The following SYNM variants were observed in gnomAD, a reference collection of about 807,000 sequenced individuals.
The protein encoded by SYNM is desmuslin.
A neutral mutation model predicts 104.0 loss-of-function variants in SYNM; 95 were observed. The observed-to-expected ratio is 0.91, with a 90% confidence interval of 0.77 to 1.08. SYNM has a LOEUF of 1.08. Ranked by LOEUF, SYNM falls within the 50% of genes least tolerant of loss-of-function variation. SYNM has a pLI of 0.00. For synonymous variants in SYNM, 918 were observed against 869.0 expected (o/e 1.06, Z -0.99); for missense variants, 2,150 against 2,052.2 (o/e 1.05, Z -0.92).
At position 99,135,358 on chromosome 15, in the gene SYNM, A is replaced by G. The variant is rs1555486572; in HGVS notation, c.*2300A>G. The stretch of plus-strand genomic sequence containing the variant: ...GTCACTCTGCACACAAGAGAAATCA[A>G]CTTCGTGGTTGGATGGGGCCGGAAC... On this transcript the variant is annotated 3_prime_UTR_variant, in exon 4 of 4. Transcript: ENST00000336292. 2 of 152,586 alleles carry G rather than the reference A, an allele frequency of 1.3e-5. No homozygotes were observed. Among genetic ancestry groups the G allele is most frequent in the African/African-American group, 2.4e-5 (1 of 41,434 alleles). The allele number at this position is 152,586 out of a possible 1,614,324, so 9.5% of individuals were successfully genotyped here.
In SYNM at chr15:99,132,309, A is replaced by C; in HGVS notation, c.3949A>C (p.Arg1317=). The C allele has an allele frequency of 6.2e-7, 1 of 1,611,740 alleles. No homozygotes were observed. The highest frequency in any genetic ancestry group is 8.5e-7 in the Non-Finnish European group (1 of 1,178,054). ...CAGGCACATCAGCATTGGGCCTCAG[A>C]GGCATCAGACCACCCAGCAGATAGT... The part of the protein sequence containing the change: ...SIRHISIGPQ[R]HQTTQQIVYH... Residue 1317 remains arginine (R), a synonymous_variant, in exon 4 of 4, where the codon AGG becomes CGG. Transcript: ENST00000336292.
In SYNM at chr15:99,129,984, T is replaced by C. The variant is rs181135818; in HGVS notation, c.1624T>C (p.Leu542=). 9.5e-5 allele frequency: 153 copies of C among 1,612,166 alleles called. No homozygotes were observed. The African/African-American group carries it at 1.8e-3, about 19-fold the overall frequency. The change falls in exon 4 of 4, where the codon TTG becomes CTG. Residue 542 remains leucine, a synonymous_variant. Transcript: ENST00000336292. ...SEERNLRWEE[L]TKLDKEARQR... ...GGAGAGAAACCTAAGATGGGAAGAA[T>C]TGACAAAGTTAGATAAGGAAGCGAG...
chr15:99,107,950 TGTTTTTTTTTTG>T (rs1472157303), intron 1 of SYNM, among the ~76,000 whole-genome samples: 14 of 147,370 alleles, frequency 9.5e-5, no homozygotes, highest in Non-Finnish European at 1.8e-4. Context: ...TTTTTTGTTT[TGTTTTTTTTTTG>T]GTTTTGGTTT....
At chr15:99,140,801 T>A in the SYNM span, 1 of 152,158 alleles carries the variant, frequency 6.6e-6, no homozygotes. Context: ...ATAAGCAAAG[T>A]AGAAAGACAA....
intron 2 of SYNM, among the ~76,000 whole-genome samples, chr15:99,122,709 C>T (rs113285595): frequency 0.019 from 2,947 of 152,214 alleles, 107 homozygotes; most frequent in African/African-American, 0.068. Flanking sequence ...TGTGGTGGCA[C>T]GTGCCTGTAG....
chr15:99,111,063 A>C (rs2067296265), intron 1 of SYNM, among the ~76,000 whole-genome samples: 1 of 152,220 alleles, frequency 6.6e-6, no homozygotes, highest in South Asian at 2.1e-4. Flanking sequence ...ATGTGACTGA[A>C]ACTGTACTTA....
At chr15:99,112,124 A>G (rs559857166) in intron 1 of SYNM, among the ~76,000 whole-genome samples, 1 of 152,202 alleles carries the variant, frequency 6.6e-6, no homozygotes, top group Admixed American at 6.5e-5. Flanking sequence ...TCACAGACAT[A>G]TTTATTATGG....
chr15:99,139,501 C>T, downstream of SYNM: 1 of 1,566,056 alleles, frequency 6.4e-7, no homozygotes, highest in Non-Finnish European at 8.7e-7. Context: ...CATTCTTAGG[C>T]CCTGCTGTGA....
At chr15:99,137,930 T>C, downstream of SYNM, 1 of 1,577,554 alleles carries the variant, frequency 6.3e-7, no homozygotes, top group Non-Finnish European at 8.7e-7. Context: ...TTGAATTCCA[T>C]TTTCTAGGCG....
chr15:99,105,800 C>A lies in SYNM; in HGVS notation c.601C>A (p.Leu201Met), dbSNP rs377708395. The A allele has an allele frequency of 4.3e-5, 67 of 1,541,704 alleles. No individual in the cohort carries two copies. The African/African-American group carries it at 7.9e-4, about 18-fold the overall frequency. The change falls in exon 1 of 4, where the codon CTG (leucine) becomes ATG (methionine). Residue 201 changes from leucine (L) to methionine (M), a missense_variant. Transcript: ENST00000336292. Reference protein sequence around the residue: ...VAESWRETVQLYEDEVRELEE... With the variant: ...VAESWRETVQMYEDEVRELEE... The stretch of plus-strand genomic sequence containing the variant: ...CGAGTCGTGGCGGGAGACGGTGCAG[C>A]TGTACGAGGACGAGGTGCGCGAGCT...
In SYNM at chr15:99,130,050, A is replaced by G; in HGVS notation, c.1690A>G (p.Lys564Glu). Residue 564 changes from lysine (K) to glutamate (E), a missense_variant, in exon 4 of 4, where the codon AAG becomes GAG. By Grantham distance (56) the Lys-to-Glu change is moderately conservative (BLOSUM62 1). Coordinates refer to ENST00000336292, the MANE Select transcript of SYNM (RefSeq NM_145728.3). ...SQQMKEKAKE[K>E]DSPKEKSVRE... The stretch of plus-strand genomic sequence containing the variant: ...GCAGATGAAGGAGAAGGCTAAGGAG[A>G]AGGACTCACCGAAGGAGAAGAGCGT... The G allele has an allele frequency of 6.2e-7, 1 of 1,613,920 alleles. No individual in the cohort carries two copies. The highest frequency in any genetic ancestry group is 8.5e-7 in the Non-Finnish European group (1 of 1,179,848).
At chr15:99,137,602 A>G (rs117579924), downstream of SYNM, 108 of 164,314 alleles carry the variant, frequency 6.6e-4, 6 homozygotes, top group East Asian at 0.016. Flanking sequence ...TTAGCCTCCT[A>G]TAAGAAAGGA....
intron 2 of SYNM, among the ~76,000 whole-genome samples, chr15:99,116,247 A>G (rs782073262): frequency 6.6e-6 from 1 of 152,250 alleles, no homozygotes; most frequent in Non-Finnish European, 1.5e-5. Flanking sequence ...GAACAGTTGC[A>G]CAATTAAATT....
downstream of SYNM, chr15:99,140,050 T>C (rs1479743325): frequency 4.5e-6 from 1 of 221,178 alleles, no homozygotes; most frequent in Non-Finnish European, 9.2e-6. Flanking sequence ...TGGAGGAACT[T>C]GCTTTACTGA....
At chr15:99,129,126 G>A (rs955941252) in intron 3 of SYNM, 4 of 535,330 alleles carry the variant, frequency 7.5e-6, no homozygotes, top group Non-Finnish European at 1.3e-5. Context: ...TTTAATATCA[G>A]TAACTGGAGA....
intron 2 of SYNM, among the ~76,000 whole-genome samples, chr15:99,116,399 G>GGTCCACATGGCAGGATGGTCT (rs374142821): frequency 1.4e-5 from 2 of 147,102 alleles, no homozygotes; most frequent in African/African-American, 2.4e-5. Context: ...TCCTCAGACT[G>GGTCCACATGGCAGGATGGTCT]CCCCAAGTCA....
At chr15:99,115,305 T>C (rs370350973) in intron 2 of SYNM, among the ~76,000 whole-genome samples, 1 of 151,912 alleles carries the variant, frequency 6.6e-6, no homozygotes, top group African/African-American at 2.4e-5. Context: ...CCTGGAGAGG[T>C]TAAGAAGGGG....
intron 1 of SYNM, among the ~76,000 whole-genome samples, chr15:99,108,765 C>T (rs2067272813): frequency 6.6e-6 from 1 of 152,156 alleles, no homozygotes; most frequent in African/African-American, 2.4e-5. Flanking sequence ...GGCTCTAGTG[C>T]CTGAGCAACT....
chr15:99,105,748 G>A lies in SYNM; in HGVS notation c.549G>A (p.Val183=). The A allele has an allele frequency of 6.5e-7, 1 of 1,530,940 alleles. No homozygotes were observed. The allele number at this position is 1,530,940 out of a possible 1,614,324, so 94.8% of individuals were successfully genotyped here. ...PAAPPPRLRE[V]HDSYALLVAE... ...CGCCGCCGCCACGCCTGCGGGAGGTGCACGACAGCTACGCACTGCTGGTGG... is the reference window on the plus strand; with the variant it reads ...CGCCGCCGCCACGCCTGCGGGAGGTACACGACAGCTACGCACTGCTGGTGG... The change falls in exon 1 of 4, where the codon GTG becomes GTA. Residue 183 remains valine (V), a synonymous_variant. Transcript: ENST00000336292.
Sources: gnomAD v4.1 joint callset for allele counts (sites outside exome capture counted in the v4.1 genomes callset) on GRCh38, gnomAD v4.1.1 for gene constraint, MANE v1.5 for transcripts, NCBI Gene and HGNC (gene_info 2026-07-23, HGNC 2026-07-21) for gene names.